The following FMN1 variants were observed in gnomAD, a reference collection of about 807,000 sequenced individuals.
FMN1 encodes the protein formin-1.
In FMN1, 110 loss-of-function variants were observed where a neutral mutation model predicts 132.4. The observed-to-expected ratio is 0.83, with a 90% confidence interval of 0.71 to 0.97. The LOEUF (loss-of-function observed/expected upper bound fraction) is 0.97. Among genes scored for constraint, FMN1 ranks in the 50% least tolerant of loss-of-function variants. The pLI, the probability that FMN1 is intolerant of heterozygous loss-of-function variation, is 0.00. For synonymous variants in FMN1, 722 were observed against 651.7 expected (o/e 1.11, Z -1.64); for missense variants, 1,792 against 1,705.3 (o/e 1.05, Z -0.90).
At chr15:32,798,465 G>C (rs990337900) in intron 19 of FMN1, among the ~76,000 whole-genome samples, 5 of 152,142 alleles carry the variant, frequency 3.3e-5, no homozygotes, top group African/African-American at 1.2e-4. Flanking sequence ...TATACTGTCT[G>C]CGACAGCAAG....
At chr15:33,129,787 ATTT>A (rs61564380) in intron 4 of FMN1, among the ~76,000 whole-genome samples, 24,177 of 121,298 alleles carry the variant, frequency 0.2, 2,649 homozygotes, top group African/African-American at 0.41. Context: ...TTGACTAGCA[ATTT>A]TTTTTTTTTT....
chr15:33,048,834 G>C (rs1205359199), intron 6 of FMN1, among the ~76,000 whole-genome samples: 1 of 151,948 alleles, frequency 6.6e-6, no homozygotes, highest in African/African-American at 2.4e-5. Context: ...GAAGAGCATG[G>C]GAAGGACCTG....
intron 6 of FMN1, among the ~76,000 whole-genome samples, chr15:33,047,030 T>G (rs972457948): frequency 6.6e-6 from 1 of 152,206 alleles, no homozygotes; most frequent in Non-Finnish European, 1.5e-5. Context: ...CTGGATGAGA[T>G]CTCCATTTTG....
intron 4 of FMN1, among the ~76,000 whole-genome samples, chr15:33,116,386 T>G (rs910121853): frequency 6.6e-6 from 1 of 152,180 alleles, no homozygotes; most frequent in African/African-American, 2.4e-5. Flanking sequence ...GTTCAAACCG[T>G]GTTCAAATAA....
chr15:33,110,137 G>GA (rs2039643222), intron 4 of FMN1, among the ~76,000 whole-genome samples: 1 of 151,972 alleles, frequency 6.6e-6, no homozygotes, highest in African/African-American at 2.4e-5. Flanking sequence ...CTTCTCCTAG[G>GA]AATCTACCAT....
At chr15:33,125,413 T>C (rs1595529287) in intron 4 of FMN1, among the ~76,000 whole-genome samples, 2 of 151,010 alleles carry the variant, frequency 1.3e-5, no homozygotes, top group South Asian at 2.1e-4. Context: ...TCTTCCTAGA[T>C]GTACCAGTGC....
At chr15:32,876,071 A>G (rs536198213) in intron 16 of FMN1, among the ~76,000 whole-genome samples, 5 of 152,300 alleles carry the variant, frequency 3.3e-5, no homozygotes, top group Non-Finnish European at 7.4e-5. Context: ...AACCAAAAAA[A>G]CAGGAAATAT....
intron 11 of FMN1, among the ~76,000 whole-genome samples, chr15:32,909,235 CTG>C (rs35816725): frequency 0.025 from 3,794 of 152,318 alleles, 67 homozygotes; most frequent in Non-Finnish European, 0.034. Flanking sequence ...ACATGAACCA[CTG>C]TATCCTCATT....
intron 16 of FMN1, among the ~76,000 whole-genome samples, chr15:32,876,001 G>A (rs974652994): frequency 1.3e-4 from 20 of 152,078 alleles, no homozygotes; most frequent in African/African-American, 4.8e-4. Context: ...TCACTTGGGA[G>A]GATGAAGCAC....
chr15:32,919,564 T>A (rs2060770145), intron 10 of FMN1, among the ~76,000 whole-genome samples: 1 of 152,240 alleles, frequency 6.6e-6, no homozygotes, highest in Non-Finnish European at 1.5e-5. Context: ...CTTATTTTAA[T>A]TCATATTTTT....
intron 16 of FMN1, among the ~76,000 whole-genome samples, chr15:32,865,973 T>C (rs2059383370): frequency 6.6e-6 from 1 of 152,172 alleles, no homozygotes; most frequent in Non-Finnish European, 1.5e-5. Flanking sequence ...CGCACATTCT[T>C]AATTGTGGCA....
chr15:33,031,612 G>A (rs1457955749), intron 6 of FMN1, among the ~76,000 whole-genome samples: 4 of 152,132 alleles, frequency 2.6e-5, no homozygotes, highest in Non-Finnish European at 2.9e-5. Context: ...TCCTGGAGCC[G>A]CGTTCACAGC....
At position 32,950,040 on chromosome 15, in the gene FMN1, T is replaced by TATATACAC. The variant is rs1567449570; in HGVS notation, c.3138+14066_3138+14067insGTGTATAT. ...ACACATATATATATATATACACATA[T>TATATACAC]ATATATATATACACATATATATATA... On this transcript the variant is annotated intron_variant, in intron 9 of 20. Transcript: ENST00000616417. 6.3e-3 allele frequency among the ~76,000 whole-genome samples: 29 copies of TATATACAC among 4,570 alleles called. 5 individuals are homozygous for TATATACAC. The highest frequency in any genetic ancestry group is 0.019 in the Non-Finnish European group (25 of 1,284). 3.0% of individuals were successfully genotyped at this position (4,570 alleles called of 152,430 possible). A position where few individuals can be genotyped will look rare whatever the true frequency, so the allele number is the denominator to read the frequency against.
At chr15:32,774,379 T>C (rs956229316) in intron 20 of FMN1, 25 bp from the exon 21 acceptor site, 4 of 1,547,984 alleles carry the variant, frequency 2.6e-6, no homozygotes, top group Non-Finnish European at 3.5e-6. Context: ...AAAATGAATG[T>C]ATCATTTTCT....
At chr15:33,074,160 C>T (rs2038107499) in intron 5 of FMN1, among the ~76,000 whole-genome samples, 1 of 152,226 alleles carries the variant, frequency 6.6e-6, no homozygotes, top group African/African-American at 2.4e-5. Flanking sequence ...TGTTCACCCA[C>T]ATCACATCAC....
intron 18 of FMN1, among the ~76,000 whole-genome samples, chr15:32,802,791 G>C (rs544786413): frequency 6.6e-6 from 1 of 152,302 alleles, no homozygotes; most frequent in Non-Finnish European, 1.5e-5. Flanking sequence ...TTATGTGCTG[G>C]ATGTTTCTAT....
At chr15:33,033,007 TG>T (rs2036009884) in intron 6 of FMN1, among the ~76,000 whole-genome samples, 1 of 151,992 alleles carries the variant, frequency 6.6e-6, no homozygotes, top group Non-Finnish European at 1.5e-5. Flanking sequence ...GGCTAGCTGC[TG>T]TTTTACTATT....
rs537270188 is a variant in FMN1 at position 32,892,863 on chromosome 15, T to C, written c.3715-4571A>G. On this transcript the variant is annotated intron_variant, in intron 15 of 20. Coordinates refer to ENST00000616417, the MANE Select transcript of FMN1 (RefSeq NM_001277313.2). ...TTATGTATCACCATTAATTTTTAAATTGCCATGTTATCTTGTACATCTTCC... is the reference window on the plus strand; with the variant it reads ...TTATGTATCACCATTAATTTTTAAACTGCCATGTTATCTTGTACATCTTCC... 9.7e-4 allele frequency among the ~76,000 whole-genome samples: 148 copies of C among 152,298 alleles called. 1 individual carries two copies. The highest frequency in any genetic ancestry group is 3.4e-3 in the African/African-American group (142 of 41,566).
chr15:33,109,917 A>C (rs1402550452), intron 4 of FMN1, among the ~76,000 whole-genome samples: 2 of 152,038 alleles, frequency 1.3e-5, no homozygotes, highest in Non-Finnish European at 2.9e-5. Context: ...CTAAAAAAGT[A>C]AGACAGTGCC....
Sources: allele counts gnomAD v4.1 joint callset (sites outside exome capture counted in the v4.1 genomes callset), GRCh38; gene constraint gnomAD v4.1.1; transcripts MANE v1.5; gene names NCBI Gene and HGNC (gene_info 2026-07-23, HGNC 2026-07-21).